SLCO1B1: variants seen among roughly 807,000 people sequenced by gnomAD.
SLCO1B1 encodes solute carrier organic anion transporter family member 1B1, also known as OATP-2.
In SLCO1B1, 81 loss-of-function variants were observed where a neutral mutation model predicts 70.1. The observed-to-expected ratio is 1.16, with a 90% CI of 0.97 to 1.39. SLCO1B1 has a LOEUF of 1.39. Ranked by LOEUF, SLCO1B1 falls within the 40% of genes most tolerant of loss-of-function variation. SLCO1B1 has a pLI of 0.00. For synonymous variants in SLCO1B1, 283 were observed against 271.5 expected (o/e 1.04, Z -0.42); for missense variants, 895 against 799.6 (o/e 1.12, Z -1.44).
intron 2 of SLCO1B1, among the ~76,000 whole-genome samples, chr12:21,167,073 A>G (rs1241329482): frequency 6.6e-6 from 1 of 152,226 alleles, no homozygotes; most frequent in Non-Finnish European, 1.5e-5. Flanking sequence ...GATTCCAACT[A>G]TATGACAAAT....
At position 21,137,309 on chromosome 12, in the gene SLCO1B1, T is replaced by A. The variant is rs567201504; in HGVS notation, c.-61-4205T>A. On this transcript the variant is annotated intron_variant, in intron 1 of 14. Transcript: ENST00000256958. ...CCACTTGAGGAGGCAGTCTGCCTGT[T>A]CTCAGATCTCAAGCTGCGTGCTGGG... is the stretch of plus-strand genomic sequence containing the variant. 5.3e-5 allele frequency among the ~76,000 whole-genome samples: 8 copies of A among 152,266 alleles called. No homozygotes were observed. The East Asian group carries it at 1.5e-3, about 29-fold the overall frequency.
chr12:21,176,820 C>T lies in SLCO1B1; in HGVS notation c.404C>T (p.Ser135Leu), dbSNP rs1940826380. 1 of 1,539,748 alleles carries T rather than the reference C, an allele frequency of 6.5e-7. No homozygotes were observed. The highest frequency in any genetic ancestry group is 9.0e-7 in the Non-Finnish European group (1 of 1,112,854). ...ACTAATATCAATTCATCAGAAAATTCAACATCGACCTTATCCACTTGTTTA... is the reference window on the plus strand; with the variant it reads ...ACTAATATCAATTCATCAGAAAATTTAACATCGACCTTATCCACTTGTTTA... ...KETNINSSEN[S>L]TSTLSTCLIN... is the part of the protein sequence containing the mutation. The change falls in exon 5 of 15, where the codon TCA becomes TTA. Residue 135 changes from serine (S) to leucine (L), a missense_variant. By Grantham distance (145) the Ser-to-Leu change is moderately radical. Transcript: ENST00000256958.
chr12:21,133,906 G>T (rs1591792973), intron 1 of SLCO1B1, among the ~76,000 whole-genome samples: 1 of 152,142 alleles, frequency 6.6e-6, no homozygotes, highest in Non-Finnish European at 1.5e-5. Flanking sequence ...TCCCTGTCTT[G>T]TGCCCGTTTT....
At chr12:21,195,720 C>A (rs2121137652) in intron 7 of SLCO1B1, among the ~76,000 whole-genome samples, 1 of 152,218 alleles carries the variant, frequency 6.6e-6, no homozygotes, top group Non-Finnish European at 1.5e-5. Flanking sequence ...TCATTCTGCC[C>A]TAAGCTATGG....
intron 2 of SLCO1B1, among the ~76,000 whole-genome samples, chr12:21,161,443 A>G (rs140811169): frequency 0.064 from 9,673 of 152,262 alleles, 348 homozygotes; most frequent in Middle Eastern, 0.095. Flanking sequence ...CTCACTTATA[A>G]GTGGGAGCTA....
At chr12:21,159,006 A>T (rs930346679) in intron 2 of SLCO1B1, among the ~76,000 whole-genome samples, 39 of 152,174 alleles carry the variant, frequency 2.6e-4, no homozygotes, top group Admixed American at 2.5e-3. Context: ...AATACTTGAT[A>T]TTCTACTAAC....
rs1412285357 is a variant in SLCO1B1 at position 21,185,683 on chromosome 12, T to C, written c.727+6663T>C. On this transcript the variant is annotated intron_variant, in intron 7 of 14. Transcript: ENST00000256958. ...AATTTAACATTGCACTTACACTAAC[T>C]AGAAAAAAAAAGGACAACCCCAAAG... Among the ~76,000 whole-genome samples the C allele has an allele frequency of 6.0e-5, 9 of 148,932 alleles. 1 individual carries two copies. The highest frequency in any genetic ancestry group is 2.7e-4 in the Admixed American group (4 of 15,038).
chr12:21,237,502 A>T (rs112848945), intron 14 of SLCO1B1, among the ~76,000 whole-genome samples: 2,182 of 152,160 alleles, frequency 0.014, 50 homozygotes, highest in African/African-American at 0.05. Flanking sequence ...GGTTAGTTTC[A>T]GGATAAAGTT....
At chr12:21,177,901 G>A (rs1042789865) in intron 5 of SLCO1B1, among the ~76,000 whole-genome samples, 2 of 151,998 alleles carry the variant, frequency 1.3e-5, no homozygotes, top group African/African-American at 2.4e-5. Context: ...GGTGTTAACT[G>A]TGTATACCAT....
Position 21,219,227 on chromosome 12 carries a change from G to A in SLCO1B1, c.1682+1924G>A, listed in dbSNP as rs373869810. Among the ~76,000 whole-genome samples, 32 of 152,226 alleles carry A rather than the reference G, an allele frequency of 2.1e-4. No homozygotes were observed. In the East Asian group the frequency reaches 5.6e-3, roughly 27 times the overall value. On this transcript the variant is annotated intron_variant, in intron 12 of 14. Coordinates refer to ENST00000256958, the MANE Select transcript of SLCO1B1 (RefSeq NM_006446.5). ...GAAAATAGAAAAAAATGAGAAAATA[G>A]GCAAGAGATACTAGTTCAGATATGG...
intron 2 of SLCO1B1, among the ~76,000 whole-genome samples, chr12:21,161,750 A>T (rs1288692234): frequency 6.6e-6 from 1 of 152,152 alleles, no homozygotes; most frequent in Non-Finnish European, 1.5e-5. Context: ...ACTCACACTT[A>T]TAATCATAGC....
chr12:21,226,757 A>G (rs1941486261), intron 14 of SLCO1B1, among the ~76,000 whole-genome samples: 1 of 132,386 alleles, frequency 7.6e-6, no homozygotes, highest in Non-Finnish European at 1.7e-5. Flanking sequence ...CATCAATTGT[A>G]ACAAAGTTAC....
At chr12:21,142,082 C>A (rs202166020) in intron 2 of SLCO1B1, among the ~76,000 whole-genome samples, 216 of 133,472 alleles carry the variant, frequency 1.6e-3, no homozygotes, top group African/African-American at 5.0e-3. Flanking sequence ...AAAAAAAAAA[C>A]AAAAAACAGG....
intron 11 of SLCO1B1, among the ~76,000 whole-genome samples, chr12:21,210,574 A>AAGT (rs1043971882): frequency 6.8e-6 from 1 of 146,400 alleles, no homozygotes; most frequent in South Asian, 2.2e-4. Flanking sequence ...ATGAACTTTA[A>AAGT]AGTATTTTCC....
intron 11 of SLCO1B1, among the ~76,000 whole-genome samples, chr12:21,209,075 T>G (rs1287464905): frequency 6.6e-6 from 1 of 152,042 alleles, no homozygotes. Flanking sequence ...TTTTTAATTA[T>G]ACTTTAAGTT....
chr12:21,178,110 T>C (rs1940843392), intron 5 of SLCO1B1, among the ~76,000 whole-genome samples: 1 of 152,138 alleles, frequency 6.6e-6, no homozygotes, highest in Non-Finnish European at 1.5e-5. Flanking sequence ...TCACCTTGAT[T>C]GTAATAATCT....
At position 21,178,961 on chromosome 12, in the gene SLCO1B1, G is replaced by A; in HGVS notation, c.668G>A (p.Gly223Asp). 6.2e-7 allele frequency: 1 copy of A among 1,612,022 alleles called. No individual in the cohort carries two copies. The highest frequency in any genetic ancestry group is 1.1e-5 in the South Asian group (1 of 91,028). ...ATAGCAATGATTGGTCCAATCATTG[G>A]CTTTACCCTGGGATCTCTGTTTTCT... is the stretch of plus-strand genomic sequence containing the variant. ...NAIAMIGPII[G>D]FTLGSLFSKM... Residue 223 changes from glycine (G) to aspartate (D), a missense_variant, in exon 7 of 15, where the codon GGC becomes GAC. Physicochemically the swap from Gly to Asp is moderately conservative, Grantham distance 94 (BLOSUM62 -1). Coordinates refer to ENST00000256958, the MANE Select transcript of SLCO1B1 (RefSeq NM_006446.5).
At chr12:21,219,871 C>G (rs1941402361) in intron 12 of SLCO1B1, among the ~76,000 whole-genome samples, 3 of 152,176 alleles carry the variant, frequency 2.0e-5, no homozygotes, top group African/African-American at 7.2e-5. Context: ...AAACGATGCT[C>G]CTGCCTCAAC....
intron 10 of SLCO1B1, among the ~76,000 whole-genome samples, chr12:21,203,212 T>C (rs549206377): frequency 6.6e-6 from 1 of 152,182 alleles, no homozygotes; most frequent in East Asian, 1.9e-4. Context: ...GAATTTTCTT[T>C]TTTGCAAGCT....
Sources: allele counts gnomAD v4.1 joint callset (sites outside exome capture counted in the v4.1 genomes callset), GRCh38; gene constraint gnomAD v4.1.1; transcripts MANE v1.5; gene names NCBI Gene and HGNC (gene_info 2026-07-23, HGNC 2026-07-21).